The following ATP9B variants were observed in gnomAD, a reference collection of about 807,000 sequenced individuals.
ATP9B encodes the protein probable phospholipid-transporting ATPase IIB.
In ATP9B, 110 loss-of-function variants were observed where a neutral mutation model predicts 146.1. That is an observed-to-expected ratio of 0.75 (90% CI 0.65 to 0.88). ATP9B has a LOEUF of 0.88. Ranked by LOEUF, ATP9B falls within the 40% of genes least tolerant of loss-of-function variation. The pLI is 0.00. For missense variants in ATP9B, 1,499 were observed against 1,496.4 expected, an observed-to-expected ratio of 1.00 and a Z score of -0.03; for synonymous variants, 604 against 569.7, an observed-to-expected ratio of 1.06 and a Z score of -0.86.
intron 20 of ATP9B, among the ~76,000 whole-genome samples, chr18:79,342,790 A>G (rs2096866492): frequency 6.6e-6 from 1 of 152,176 alleles, no homozygotes; most frequent in African/African-American, 2.4e-5. Flanking sequence ...GTAAAAATGT[A>G]TATTGATTAA....
At position 79,337,384 on chromosome 18, in the gene ATP9B, G is replaced by A. The variant is rs751623399; in HGVS notation, c.2218G>A (p.Val740Met). 95 of 1,613,904 alleles carry A rather than the reference G, an allele frequency of 5.9e-5. 1 individual carries two copies. The highest frequency in any genetic ancestry group is 3.3e-4 in the Middle Eastern group (2 of 6,082). ...REMELLCLTG[V>M]EDQLQADVRP... is the part of the protein sequence containing the mutation. ...GATGGAACTGCTGTGCCTCACCGGC[G>A]TGGAGGACCAGCTGCAGGCAGACGT... The change falls in exon 19 of 30, where the codon GTG (valine) becomes ATG (methionine). Residue 740 changes from valine to methionine, a missense_variant. Val to Met is a conservative substitution (Grantham distance 21). Transcript: ENST00000426216.
intron 10 of ATP9B, among the ~76,000 whole-genome samples, chr18:79,211,010 A>G (rs1049038941): frequency 1.3e-5 from 2 of 152,176 alleles, no homozygotes; most frequent in African/African-American, 2.4e-5. Flanking sequence ...ATAATTTTCT[A>G]TGAATCATCT....
At chr18:79,224,534 C>T (rs1461713622) in intron 11 of ATP9B, among the ~76,000 whole-genome samples, 2 of 152,094 alleles carry the variant, frequency 1.3e-5, no homozygotes, top group Non-Finnish European at 2.9e-5. Context: ...ATGGACATGC[C>T]CTGTCTCATG....
intron 23 of ATP9B, among the ~76,000 whole-genome samples, chr18:79,346,111 C>G (rs577587905): frequency 6.8e-6 from 1 of 147,314 alleles, no homozygotes; most frequent in African/African-American, 2.5e-5. Flanking sequence ...ACACGGTCAT[C>G]ACACGTCAGC....
At chr18:79,137,208 A>T (rs1345828652) in intron 5 of ATP9B, among the ~76,000 whole-genome samples, 1 of 152,052 alleles carries the variant, frequency 6.6e-6, no homozygotes, top group Non-Finnish European at 1.5e-5. Context: ...TACAGTTTTC[A>T]TAGCTGTTTT....
At position 79,189,539 on chromosome 18, in the gene ATP9B, C is replaced by G. The variant is rs565249088; in HGVS notation, c.874-3644C>G. Among the ~76,000 whole-genome samples the G allele has an allele frequency of 2.4e-4, 36 of 152,264 alleles. No individual in the cohort carries two copies. The South Asian group carries it at 7.3e-3, about 31-fold the overall frequency. Reference sequence around the variant, plus strand: ...TGTTCACTGGAAACCTTGCCGATAACCTAAACAGTTGATTAACACATATTT... The same window carrying G: ...TGTTCACTGGAAACCTTGCCGATAAGCTAAACAGTTGATTAACACATATTT... On this transcript the variant is annotated intron_variant, in intron 8 of 29. Coordinates refer to ENST00000426216, the MANE Select transcript of ATP9B (RefSeq NM_198531.5).
chr18:79,241,414 G>T (rs1409810938), intron 11 of ATP9B, among the ~76,000 whole-genome samples: 1 of 152,158 alleles, frequency 6.6e-6, no homozygotes, highest in Non-Finnish European at 1.5e-5. Context: ...CCCGTAGTGT[G>T]AGGACCCACA....
intron 23 of ATP9B, among the ~76,000 whole-genome samples, chr18:79,346,576 G>A: frequency 8.8e-6 from 1 of 113,770 alleles, no homozygotes; most frequent in East Asian, 2.4e-4. Flanking sequence ...GTCAGCACGT[G>A]CTCAGCGCAC....
intron 3 of ATP9B, 99 bp downstream of exon 3, chr18:79,110,604 A>G: frequency 8.5e-7 from 1 of 1,178,080 alleles, no homozygotes; most frequent in South Asian, 1.9e-5. Context: ...TTAGGTATTG[A>G]GTTGTGTCAC....
chr18:79,255,430 T>C (rs2096068148), intron 12 of ATP9B, among the ~76,000 whole-genome samples: 1 of 152,222 alleles, frequency 6.6e-6, no homozygotes, highest in Non-Finnish European at 1.5e-5. Context: ...CTCCATTTGA[T>C]GCCACCCACT....
intron 26 of ATP9B, among the ~76,000 whole-genome samples, chr18:79,369,464 C>A (rs902324482): frequency 2.8e-5 from 4 of 141,634 alleles, no homozygotes; most frequent in Non-Finnish European, 4.5e-5. Flanking sequence ...ACCCGGGAGG[C>A]GAAGCCTGCA....
rs147316668 is a variant in ATP9B, at chr18:79,157,396, CAAAAAAAAAAAAAA to C, written c.778+2856_778+2869del. 3.0e-3 allele frequency among the ~76,000 whole-genome samples: 145 copies of C among 48,590 alleles called. 3 individuals are homozygous for C. The highest frequency in any genetic ancestry group is 3.7e-3 in the Non-Finnish European group (115 of 30,798). The allele number at this position is 48,590 out of a possible 152,430, so 31.9% of individuals were successfully genotyped here. ...GGGTGACGAGAGTGAAACTCCATCT[CAAAAAAAAAAAAAA>C]AAAAAAAAAAAAAACATGTATTGAC... On this transcript the variant is annotated intron_variant, in intron 7 of 29. Transcript: ENST00000426216.
At position 79,377,851 on chromosome 18, in the gene ATP9B, G is replaced by A. The variant is rs1309239030; in HGVS notation, c.*468G>A. The A allele has an allele frequency of 3.1e-5, 5 of 161,994 alleles. No homozygotes were observed. The highest frequency in any genetic ancestry group is 2.9e-4 in the Admixed American group (5 of 16,974). The allele number at this position is 161,994 out of a possible 1,614,324, so 10.0% of individuals were successfully genotyped here. On this transcript the variant is annotated 3_prime_UTR_variant, in exon 30 of 30. Coordinates refer to ENST00000426216, the MANE Select transcript of ATP9B (RefSeq NM_198531.5). ...ACGTCACCCCTGCCAGGCAAGCCCA[G>A]GGCACAGATGCTGCGATGGCCTCTT...
chr18:79,191,870 T>G (rs1446218006), intron 8 of ATP9B, among the ~76,000 whole-genome samples: 1 of 152,206 alleles, frequency 6.6e-6, no homozygotes, highest in African/African-American at 2.4e-5. Context: ...GAAATTTGGA[T>G]CATCTCTTCA....
intron 11 of ATP9B, among the ~76,000 whole-genome samples, chr18:79,234,327 C>T (rs919741427): frequency 6.6e-6 from 1 of 152,182 alleles, no homozygotes; most frequent in Non-Finnish European, 1.5e-5. Flanking sequence ...TGTGAAATTC[C>T]TCTCACCGTT....
chr18:79,283,475 C>T (rs557230448), intron 13 of ATP9B, among the ~76,000 whole-genome samples: 1 of 152,300 alleles, frequency 6.6e-6, no homozygotes, highest in East Asian at 1.9e-4. Flanking sequence ...TAAGAAGCGT[C>T]CATCACAGTG....
intron 6 of ATP9B, 124 bp downstream of exon 6, chr18:79,143,984 G>A (rs193062188): frequency 1.4e-4 from 79 of 554,030 alleles, no homozygotes; most frequent in African/African-American, 1.0e-3. Context: ...ATATCCTTGT[G>A]TAAGATTTGT....
Position 79,071,399 on chromosome 18 carries a change from C to CTTTTTTTTTTTTT in ATP9B, c.119+1872_119+1884dup, listed in dbSNP as rs56119715. Reference sequence around the variant, plus strand: ...ATTTCCCCTTTTTCTATTGTTCTTCCTTTTTTTTTTTTTTGAGACAGGGTC... The same window carrying CTTTTTTTTTTTTT: ...ATTTCCCCTTTTTCTATTGTTCTTCCTTTTTTTTTTTTTTTTTTTTTTTTTTTGAGACAGGGTC... On this transcript the variant is annotated intron_variant, in intron 1 of 29. Coordinates refer to ENST00000426216, the MANE Select transcript of ATP9B (RefSeq NM_198531.5). Among the ~76,000 whole-genome samples the CTTTTTTTTTTTTT allele has an allele frequency of 7.7e-3, 534 of 69,238 alleles. 109 individuals carry two copies. The highest frequency in any genetic ancestry group is 8.3e-3 in the Non-Finnish European group (301 of 36,110). The allele number at this position is 69,238 out of a possible 152,430, so 45.4% of individuals were successfully genotyped here. A position where few individuals can be genotyped will look rare whatever the true frequency, so the allele number is the denominator to read the frequency against.
chr18:79,356,232 A>G (rs1322945961), intron 25 of ATP9B, among the ~76,000 whole-genome samples: 2 of 152,158 alleles, frequency 1.3e-5, no homozygotes, highest in African/African-American at 4.8e-5. Flanking sequence ...AGAGTCACAG[A>G]AACTGGATAG....
Sources: allele counts gnomAD v4.1 joint callset (sites outside exome capture counted in the v4.1 genomes callset), GRCh38; gene constraint gnomAD v4.1.1; transcripts MANE v1.5; gene names NCBI Gene and HGNC (gene_info 2026-07-23, HGNC 2026-07-21).